The following TRIM33 variants were observed in gnomAD, a reference collection of about 807,000 sequenced individuals.
The protein encoded by TRIM33 is tripartite motif containing 33.
TRIM33 carries 20 observed loss-of-function variants against 125.4 expected under a neutral mutation model. The ratio of observed to expected loss-of-function variants is 0.16; its 90% CI spans 0.11 to 0.23. The LOEUF is 0.23. TRIM33 is among the 10% of genes least tolerant of loss of function. The probability of loss-of-function intolerance (pLI) is 1.00; values close to 1 mark genes in which losing one functional copy is unlikely to be tolerated. For synonymous variants in TRIM33, 564 were observed against 513.9 expected (o/e 1.10, Z -1.32); for missense variants, 920 against 1,411.4 (o/e 0.65, Z 5.58).
intron 1 of TRIM33, among the ~76,000 whole-genome samples, chr1:114,473,604 T>C (rs1442711994): frequency 1.3e-5 from 2 of 151,970 alleles, no homozygotes; most frequent in East Asian, 1.9e-4. Context: ...GAGCAGGTAA[T>C]TGGAATGAGT....
At chr1:114,491,510 T>C (rs1652058728) in intron 1 of TRIM33, among the ~76,000 whole-genome samples, 1 of 152,160 alleles carries the variant, frequency 6.6e-6, no homozygotes, top group Non-Finnish European at 1.5e-5. Context: ...CTTTAAAACA[T>C]ATTGCTGAGG....
intron 11 of TRIM33, among the ~76,000 whole-genome samples, chr1:114,410,853 AC>A (rs1198804271): frequency 6.6e-6 from 1 of 152,082 alleles, no homozygotes; most frequent in Non-Finnish European, 1.5e-5. Flanking sequence ...AAGCCAGAAG[AC>A]CCATAACTAT....
chr1:114,417,341 T>C (rs1241079861), intron 11 of TRIM33, among the ~76,000 whole-genome samples: 1 of 152,236 alleles, frequency 6.6e-6, no homozygotes, highest in African/African-American at 2.4e-5. Context: ...GATCTCATGG[T>C]ATATGAATTG....
intron 1 of TRIM33, among the ~76,000 whole-genome samples, chr1:114,487,070 G>C (rs1380628832): frequency 6.9e-6 from 1 of 144,834 alleles, no homozygotes; most frequent in African/African-American, 2.6e-5. Context: ...CTGGGCAACA[G>C]AGCAAGACTC....
intron 18 of TRIM33, 68 bp from the exon 19 acceptor site, chr1:114,398,058 C>T: frequency 6.5e-7 from 1 of 1,548,314 alleles, no homozygotes; most frequent in Non-Finnish European, 8.7e-7. Context: ...TATGAGACTG[C>T]ATAGGATTGG....
At chr1:114,478,999 A>C (rs968301481) in intron 1 of TRIM33, among the ~76,000 whole-genome samples, 1 of 152,208 alleles carries the variant, frequency 6.6e-6, no homozygotes, top group African/African-American at 2.4e-5. Context: ...CAGTGAGCCA[A>C]GGTTGCACCA....
chr1:114,403,365 C>T (rs1177252823), intron 15 of TRIM33, among the ~76,000 whole-genome samples: 1 of 152,150 alleles, frequency 6.6e-6, no homozygotes, highest in African/African-American at 2.4e-5. Flanking sequence ...GGCACAAGCA[C>T]ATGTATATAT....
chr1:114,424,772 T>C lies in TRIM33; in HGVS notation c.1696-17A>G, dbSNP rs774009111. 6.2e-6 allele frequency: 9 copies of C among 1,451,056 alleles called. No individual in the cohort carries two copies. Among genetic ancestry groups the C allele is most frequent in the South Asian group, 3.1e-5 (2 of 65,192 alleles). 89.9% of individuals were successfully genotyped at this position (1,451,056 alleles called of 1,614,324 possible). A position where few individuals can be genotyped will look rare whatever the true frequency, so the allele number is the denominator to read the frequency against. On this transcript the variant is annotated splice_polypyrimidine_tract_variant and intron_variant, in intron 9 of 19. Transcript: ENST00000358465. The stretch of plus-strand genomic sequence containing the variant: ...TCGAGGAGGCTACAAAAAGTAGAAA[T>C]TGCAATTTATGTAATAATTTTAAAA...
At chr1:114,491,127 C>A (rs1032708884) in intron 1 of TRIM33, among the ~76,000 whole-genome samples, 1 of 152,162 alleles carries the variant, frequency 6.6e-6, no homozygotes, top group Admixed American at 6.6e-5. Context: ...CTAAAAACTA[C>A]TGAACCATAC....
chr1:114,494,379 G>A (rs1432117255), intron 1 of TRIM33, among the ~76,000 whole-genome samples: 34 of 152,166 alleles, frequency 2.2e-4, no homozygotes, highest in Admixed American at 2.2e-3. Context: ...TTATGTGTTG[G>A]GGGAGACAGG....
In TRIM33 at chr1:114,510,842, A is replaced by C. The variant is rs1406973277; in HGVS notation, c.235T>G (p.Ser79Ala). ...AASSGSAQAA[S>A]SPAASVGTGV... ...GTGCCCACTGAGGCCGCAGGAGATG[A>C]AGCAGCCTGGGCCGAGCCCGAGGAG... The change falls in exon 1 of 20, where the codon TCA (serine) becomes GCA (alanine). Residue 79 changes from serine to alanine, a missense_variant. By Grantham distance (99) the Ser-to-Ala change is moderately conservative (BLOSUM62 1). Around this residue, in one of 8 missense-constraint regions of TRIM33, gnomAD observed 233 missense variants for 189.6 expected, o/e 1.23. Transcript: ENST00000358465. 1 of 1,516,694 alleles carries C rather than the reference A, an allele frequency of 6.6e-7. No homozygotes were observed. The allele number at this position is 1,516,694 out of a possible 1,614,324, so 94.0% of individuals were successfully genotyped here. A position where few individuals can be genotyped will look rare whatever the true frequency, so the allele number is the denominator to read the frequency against.
chr1:114,430,927 T>C lies in TRIM33; in HGVS notation c.1041-15A>G, dbSNP rs771480887. The C allele has an allele frequency of 4.3e-6, 6 of 1,393,160 alleles. No homozygotes were observed. Among genetic ancestry groups the C allele is most frequent in the African/African-American group, 2.8e-5 (2 of 70,436 alleles). The allele number at this position is 1,393,160 out of a possible 1,614,324, so 86.3% of individuals were successfully genotyped here. A position where few individuals can be genotyped will look rare whatever the true frequency, so the allele number is the denominator to read the frequency against. The stretch of plus-strand genomic sequence containing the variant: ...CTTCTTTTATCCTGAATAAGAGAAA[T>C]GCATCATTAGGTTATCAACTTATCC... On this transcript the variant is annotated splice_polypyrimidine_tract_variant and intron_variant, in intron 5 of 19. Transcript: ENST00000358465.
At chr1:114,458,636 T>C (rs535740179) in intron 4 of TRIM33, among the ~76,000 whole-genome samples, 2 of 152,314 alleles carry the variant, frequency 1.3e-5, no homozygotes, top group African/African-American at 4.8e-5. Context: ...AGTTGGAATT[T>C]GAGAAATATT....
At chr1:114,473,807 T>C (rs529516323) in intron 1 of TRIM33, among the ~76,000 whole-genome samples, 2 of 152,208 alleles carry the variant, frequency 1.3e-5, no homozygotes, top group South Asian at 4.2e-4. Context: ...TCAACGTAGA[T>C]CTAACCATAA....
chr1:114,423,715 T>C (rs533833884), intron 10 of TRIM33, among the ~76,000 whole-genome samples: 3 of 152,216 alleles, frequency 2.0e-5, no homozygotes, highest in Non-Finnish European at 4.4e-5. Context: ...GCGCATTATT[T>C]TAAAAAGCTC....
intron 18 of TRIM33, among the ~76,000 whole-genome samples, chr1:114,398,909 A>C (rs1305077409): frequency 2.8e-5 from 4 of 142,230 alleles, no homozygotes; most frequent in Middle Eastern, 3.5e-3. Flanking sequence ...AAAAAAAAAA[A>C]AAAAAACAAA....
intron 6 of TRIM33, 103 bp from the exon 7 acceptor site, chr1:114,427,997 G>A (rs1309107038): frequency 4.2e-6 from 5 of 1,194,900 alleles, no homozygotes; most frequent in Non-Finnish European, 5.8e-6. Flanking sequence ...CTTTAAAAAT[G>A]GGCTAAGTGA....
intron 1 of TRIM33, among the ~76,000 whole-genome samples, chr1:114,495,514 A>G (rs1394577999): frequency 1.3e-5 from 2 of 152,246 alleles, no homozygotes; most frequent in African/African-American, 4.8e-5. Context: ...AGATAACACG[A>G]AAAAGTTTTA....
intron 4 of TRIM33, among the ~76,000 whole-genome samples, chr1:114,458,768 T>C (rs778215571): frequency 4.6e-5 from 7 of 152,172 alleles, no homozygotes; most frequent in Non-Finnish European, 1.0e-4. Flanking sequence ...GGAGAATCTG[T>C]CTGGGTGATA....
Sources: allele counts gnomAD v4.1 joint callset (sites outside exome capture counted in the v4.1 genomes callset), GRCh38; gene constraint gnomAD v4.1.1; regional missense constraint gnomAD v4.1.1; transcripts MANE v1.5; gene names NCBI Gene and HGNC (gene_info 2026-07-23, HGNC 2026-07-21).